The following SMARCD3 variants were observed in gnomAD, a reference collection of about 807,000 sequenced individuals.
The protein encoded by SMARCD3 is SWI/SNF-related matrix-associated actin-dependent regulator of chromatin subfamily D member 3.
SMARCD3 carries 14 observed loss-of-function variants against 58.0 expected under a neutral mutation model. The ratio of observed to expected loss-of-function variants is 0.24; its 90% CI spans 0.16 to 0.38. The LOEUF (loss-of-function observed/expected upper bound fraction) is 0.38. Among genes scored for constraint, SMARCD3 ranks in the 10% least tolerant of loss-of-function variants. The probability of loss-of-function intolerance (pLI) is 1.00; values close to 1 mark genes in which losing one functional copy is unlikely to be tolerated. For missense variants in SMARCD3, 408 were observed against 636.9 expected, an observed-to-expected ratio of 0.64 and a Z score of 3.87; for synonymous variants, 253 against 253.8, an observed-to-expected ratio of 1.00 and a Z score of 0.03.
In SMARCD3 at chr7:151,239,988, C is replaced by CTTTTT. The variant is rs552440384; in HGVS notation, c.1173+119_1173+123dup. On this transcript the variant is annotated intron_variant, in intron 10 of 12. Coordinates refer to ENST00000262188, the MANE Select transcript of SMARCD3 (RefSeq NM_001003801.2). This position sits in a 1 kb window ranked among gnomAD's most constrained non-coding sequence, Gnocchi z 7.0. ...GTCCCATTGGCCCAGAGTCTGGTCT[C>CTTTTT]TTTTTTTTTTTTTTTTTTAATTTAA... 5 of 830,726 alleles carry CTTTTT rather than the reference C, an allele frequency of 6.0e-6. No individual in the cohort carries two copies. The highest frequency in any genetic ancestry group is 3.7e-5 in the African/African-American group (2 of 54,344). The allele number at this position is 830,726 out of a possible 1,614,324, so 51.5% of individuals were successfully genotyped here. A position where few individuals can be genotyped will look rare whatever the true frequency, so the allele number is the denominator to read the frequency against.
At chr7:151,269,637 G>A (rs564175881) in intron 2 of SMARCD3, among the ~76,000 whole-genome samples, 3 of 152,172 alleles carry the variant, frequency 2.0e-5, no homozygotes, top group East Asian at 1.9e-4. Flanking sequence ...TGGCGTATGC[G>A]GGCAGCATGA....
upstream of SMARCD3, chr7:151,248,844 G>A (rs1803407841): frequency 3.9e-6 from 1 of 254,844 alleles, no homozygotes; most frequent in Non-Finnish European, 6.3e-6. This position sits in a 1 kb window ranked among gnomAD's most constrained non-coding sequence, Gnocchi z 6.1. Context: ...TGTTGACTCG[G>A]CGGGGACGGG....
At chr7:151,259,401 GTGTGTGTGTA>G (rs1472276005) in intron 2 of SMARCD3, among the ~76,000 whole-genome samples, 9 of 145,116 alleles carry the variant, frequency 6.2e-5, no homozygotes, top group African/African-American at 1.4e-4. Context: ...GGCTGTGTGT[GTGTGTGTGTA>G]TGTGTGTGTG....
Position 151,241,636 on chromosome 7 carries a change from C to T in SMARCD3, c.795G>A (p.Leu265=). The change falls in exon 8 of 13, where the codon CTG becomes CTA. Residue 265 remains leucine, a synonymous_variant. Coordinates refer to ENST00000262188, the MANE Select transcript of SMARCD3 (RefSeq NM_001003801.2). The surrounding 1 kb of genome is among the most constrained non-coding windows in gnomAD (Gnocchi z 5.3). ...MLDYQPPQFK[L]DPRLARLLGL... is the part of the protein sequence containing the mutation. Reference sequence around the variant, plus strand: ...CCAGCAGCCGGGCTAGGCGGGGATCCAGTTTGAACTGGGGAGGCTGGGAAA... The same window carrying T: ...CCAGCAGCCGGGCTAGGCGGGGATCTAGTTTGAACTGGGGAGGCTGGGAAA... 6.2e-7 allele frequency: 1 copy of T among 1,611,212 alleles called. No homozygotes were observed. Among genetic ancestry groups the T allele is most frequent in the Non-Finnish European group, 8.5e-7 (1 of 1,178,642 alleles).
Position 151,245,834 on chromosome 7 carries a change from G to A in SMARCD3, c.79-163C>T. The A allele has an allele frequency of 2.6e-6, 1 of 383,334 alleles. No individual in the cohort carries two copies. Among genetic ancestry groups the A allele is most frequent in the Non-Finnish European group, 4.6e-6 (1 of 216,398 alleles). The allele number at this position is 383,334 out of a possible 1,614,324, so 23.7% of individuals were successfully genotyped here. A position where few individuals can be genotyped will look rare whatever the true frequency, so the allele number is the denominator to read the frequency against. On this transcript the variant is annotated intron_variant, in intron 1 of 12. Coordinates refer to ENST00000262188, the MANE Select transcript of SMARCD3 (RefSeq NM_001003801.2). The surrounding 1 kb of genome is among the most constrained non-coding windows in gnomAD (Gnocchi z 6.2). ...GGGAGCGATGGGTAGGAGGGGCAGG[G>A]GCGCCGGAATCTGCGCGGCTCTGGC...
chr7:151,239,249 A>G lies in SMARCD3; in HGVS notation c.1399-93T>C. On this transcript the variant is annotated intron_variant, in intron 12 of 12. Coordinates refer to ENST00000262188, the MANE Select transcript of SMARCD3 (RefSeq NM_001003801.2). This position sits in a 1 kb window ranked among gnomAD's most constrained non-coding sequence, Gnocchi z 7.0. ...CTGACACCGCCTGCCCTGAAAGAGC[A>G]TCTGGGAGCAGGGAGGGCCATTGCA... The G allele has an allele frequency of 2.1e-6, 3 of 1,448,248 alleles. No individual in the cohort carries two copies. The highest frequency in any genetic ancestry group is 1.7e-5 in the Admixed American group (1 of 59,634). 89.7% of individuals were successfully genotyped at this position (1,448,248 alleles called of 1,614,324 possible). A position where few individuals can be genotyped will look rare whatever the true frequency, so the allele number is the denominator to read the frequency against.
chr7:151,264,460 A>G (rs1804018620), intron 2 of SMARCD3, among the ~76,000 whole-genome samples: 1 of 152,164 alleles, frequency 6.6e-6, no homozygotes, highest in African/African-American at 2.4e-5. Flanking sequence ...GTGTGGGAAG[A>G]GGAGAGCATG....
At chr7:151,250,254 C>T (rs899641669), upstream of SMARCD3, among the ~76,000 whole-genome samples, 1 of 152,014 alleles carries the variant, frequency 6.6e-6, no homozygotes, top group African/African-American at 2.4e-5. Flanking sequence ...GTTGCTCCTC[C>T]ACCACCCCTA....
chr7:151,262,987 C>T (rs1393624630), intron 2 of SMARCD3, among the ~76,000 whole-genome samples: 1 of 152,224 alleles, frequency 6.6e-6, no homozygotes, highest in Non-Finnish European at 1.5e-5. Context: ...GCACACACAA[C>T]TCTTACTGGG....
Position 151,248,459 on chromosome 7 carries a change from T to TCCCCCGCTAACTTTCCCC in SMARCD3, c.78+8_78+25dup, listed in dbSNP as rs1348238859. On this transcript the variant is annotated intron_variant, in intron 1 of 12. Transcript: ENST00000262188. This position sits in a 1 kb window ranked among gnomAD's most constrained non-coding sequence, Gnocchi z 6.1. ...TCAGCCCGAGCCAGCTCGCTTGCCC[T>TCCCCCGCTAACTTTCCCC]CCCCCGCTAACTTTCCCCCACTCAC... 1 of 1,569,572 alleles carries TCCCCCGCTAACTTTCCCC rather than the reference T, an allele frequency of 6.4e-7. No individual in the cohort carries two copies. The highest frequency in any genetic ancestry group is 8.7e-7 in the Non-Finnish European group (1 of 1,144,096).
intron 2 of SMARCD3, among the ~76,000 whole-genome samples, chr7:151,257,044 T>C (rs1803723158): frequency 6.6e-6 from 1 of 152,180 alleles, no homozygotes; most frequent in African/African-American, 2.4e-5. Flanking sequence ...TAAGCGCTCT[T>C]CTTTCATTTT....
rs1400701923 is a variant in SMARCD3, at chr7:151,265,788, C to T, written c.39+9326G>A. Among the ~76,000 whole-genome samples the T allele has an allele frequency of 2.6e-5, 4 of 152,208 alleles. No homozygotes were observed. The East Asian group carries it at 7.7e-4, about 29-fold the overall frequency. The stretch of plus-strand genomic sequence containing the variant: ...TCAGTGGGTATTTATCATCTTACCT[C>T]TCTCACTGGGTTATTGTGAATAGCA... On this transcript the variant is annotated intron_variant, in intron 2 of 13. Coordinates refer to the SMARCD3 transcript ENST00000356800.
At chr7:151,252,440 T>TGAGAGA (rs35914888), upstream of SMARCD3, among the ~76,000 whole-genome samples, 17 of 149,412 alleles carry the variant, frequency 1.1e-4, no homozygotes, top group Non-Finnish European at 1.9e-4. Flanking sequence ...TGTGTGTGTG[T>TGAGAGA]GAGAGAGAGA....
chr7:151,242,607 T>C lies in SMARCD3; in HGVS notation c.457-4A>G, dbSNP rs747641055. ...AGAGTCGCAGCTTCCGCTTTTGCTG[T>C]AGAAATAGAGTGCAGAACCGGGCGA... is the stretch of plus-strand genomic sequence containing the variant. On this transcript the variant is annotated splice_region_variant and splice_polypyrimidine_tract_variant and intron_variant, in intron 4 of 12. Coordinates refer to ENST00000262188, the MANE Select transcript of SMARCD3 (RefSeq NM_001003801.2). The surrounding 1 kb of genome is among the most constrained non-coding windows in gnomAD (Gnocchi z 4.7). 3.7e-6 allele frequency: 6 copies of C among 1,612,962 alleles called. No individual in the cohort carries two copies. Among genetic ancestry groups the C allele is most frequent in the Non-Finnish European group, 5.1e-6 (6 of 1,179,008 alleles).
chr7:151,238,791 T>G lies in SMARCD3; in HGVS notation c.*312A>C. ...GAATTGTTGCTGTATTTTTTAAATA[T>G]GAAAATGTTATTAAACATGTCTTCT... On this transcript the variant is annotated 3_prime_UTR_variant, in exon 13 of 13. Transcript: ENST00000262188. 1 of 1,556,792 alleles carries G rather than the reference T, an allele frequency of 6.4e-7. No homozygotes were observed. Among genetic ancestry groups the G allele is most frequent in the Non-Finnish European group, 8.7e-7 (1 of 1,155,964 alleles).
At chr7:151,275,926 T>C (rs1474538563) in intron 1 of SMARCD3, among the ~76,000 whole-genome samples, 1 of 151,808 alleles carries the variant, frequency 6.6e-6, no homozygotes, top group Admixed American at 6.6e-5. Flanking sequence ...GAGGTGGGGC[T>C]TGGGAGTGGC....
At chr7:151,274,527 T>C (rs1177149469) in intron 2 of SMARCD3, among the ~76,000 whole-genome samples, 1 of 152,198 alleles carries the variant, frequency 6.6e-6, no homozygotes, top group East Asian at 1.9e-4. Context: ...TGGCTCCCAC[T>C]GCGGGCTGTG....
chr7:151,242,879 C>T lies in SMARCD3; in HGVS notation c.334-36G>A, dbSNP rs371174317. The T allele has an allele frequency of 1.4e-5, 23 of 1,612,398 alleles. No individual in the cohort carries two copies. Among genetic ancestry groups the T allele is most frequent in the African/African-American group, 2.7e-5 (2 of 74,870 alleles). On this transcript the variant is annotated intron_variant, in intron 3 of 12. Transcript: ENST00000262188. The surrounding 1 kb of genome is among the most constrained non-coding windows in gnomAD (Gnocchi z 4.7). ...AGGAGCAGGGCAGGAGTCAGAGGCT[C>T]AAGTCCAGGGTTGTACCATGGAATG...
At chr7:151,260,742 G>T (rs1803890866) in intron 2 of SMARCD3, among the ~76,000 whole-genome samples, 3 of 152,184 alleles carry the variant, frequency 2.0e-5, no homozygotes, top group Non-Finnish European at 4.4e-5. Context: ...GTGCCACTTG[G>T]TGCTAGGTTT....
Sources: allele counts gnomAD v4.1 joint callset (sites outside exome capture counted in the v4.1 genomes callset), GRCh38; gene constraint gnomAD v4.1.1; non-coding constraint Gnocchi (gnomAD v3.1); transcripts MANE v1.5; gene names NCBI Gene and HGNC (gene_info 2026-07-23, HGNC 2026-07-21).